GRIN3B: variants seen among roughly 807,000 people sequenced by gnomAD.
The protein encoded by GRIN3B is glutamate ionotropic receptor NMDA type subunit 3B, also known as glutamate receptor ionotropic, NMDA 3B.
Under a neutral mutation model 66.0 loss-of-function variants are expected in GRIN3B, and 77 were observed. That is an observed-to-expected ratio of 1.17 (90% CI 0.97 to 1.41). The LOEUF (loss-of-function observed/expected upper bound fraction) is 1.41, where lower values mean the gene tolerates loss of function less well. Ranked by LOEUF, GRIN3B falls within the 40% of genes most tolerant of loss-of-function variation. The pLI is 0.00. For missense variants in GRIN3B, 1,787 were observed against 1,564.5 expected, an observed-to-expected ratio of 1.14 and a Z score of -2.40; for synonymous variants, 823 against 749.7, an observed-to-expected ratio of 1.10 and a Z score of -1.60.
intron 3 of GRIN3B, among the ~76,000 whole-genome samples, chr19:1,006,955 C>CA (rs1269800674): frequency 6.6e-6 from 1 of 152,188 alleles, no homozygotes; most frequent in African/African-American, 2.4e-5. Flanking sequence ...CAGCCAGACC[C>CA]ACCTACTCAT....
Position 1,008,816 on chromosome 19 carries a change from C to T in GRIN3B, c.2631+34C>T, listed in dbSNP as rs771669602. ...CGGGTGGGCGGCGGGCGGCCCCACC[C>T]CCCCCGCCTCCTCGCCAACCGGGTC... On this transcript the variant is annotated intron_variant, in intron 7 of 8. Transcript: ENST00000234389. 9 of 1,590,554 alleles carry T rather than the reference C, an allele frequency of 5.7e-6. No homozygotes were observed. In the East Asian group the frequency reaches 1.2e-4, roughly 20 times the overall value.
rs754387721 is a variant in GRIN3B, at chr19:1,004,792, C to T, written c.1291C>T (p.Arg431Cys). 8 of 1,612,830 alleles carry T rather than the reference C, an allele frequency of 5.0e-6. No individual in the cohort carries two copies. The highest frequency in any genetic ancestry group is 1.6e-4 in the Middle Eastern group (1 of 6,062). Reference sequence around the variant, plus strand: ...GTTGGAACACCCATTTGTGTTTGCCCGTGATCCAGACGAAGACGGGCAGTG... The same window carrying T: ...GTTGGAACACCCATTTGTGTTTGCCTGTGATCCAGACGAAGACGGGCAGTG... ...TLLEHPFVFA[R>C]DPDEDGQCPA... Residue 431 changes from arginine to cysteine, a missense_variant, in exon 3 of 9, where the codon CGT becomes TGT. Coordinates refer to ENST00000234389, the MANE Select transcript of GRIN3B (RefSeq NM_138690.3).
chr19:1,001,805 G>C (rs1297046387), intron 1 of GRIN3B, among the ~76,000 whole-genome samples: 1 of 152,126 alleles, frequency 6.6e-6, no homozygotes, highest in Non-Finnish European at 1.5e-5. Flanking sequence ...TGGTGGGAGA[G>C]GCGGGGCCCA....
chr19:1,002,791 G>GCAAT (rs1445768991), intron 1 of GRIN3B: 1 of 248,022 alleles, frequency 4.0e-6, no homozygotes, highest in Non-Finnish European at 7.7e-6. Context: ...TAGAGGAGGA[G>GCAAT]CAATGTGCTT....
At chr19:1,004,464 GA>G (rs1343316902) in intron 2 of GRIN3B, 56 bp from the exon 3 acceptor site, 5 of 1,442,878 alleles carry the variant, frequency 3.5e-6, no homozygotes, top group Non-Finnish European at 4.8e-6. Context: ...GGGCAGGGGT[GA>G]GAGGATGGAG....
intron 8 of GRIN3B, 67 bp downstream of exon 8, chr19:1,008,994 C>CGAAGCCGGCCT: frequency 6.5e-7 from 1 of 1,535,214 alleles, no homozygotes; most frequent in Admixed American, 2.0e-5. Flanking sequence ...CAGCTCGCCC[C>CGAAGCCGGCCT]GAAGCCGGCC....
In GRIN3B at chr19:1,005,053, G is replaced by C; in HGVS notation, c.1552G>C (p.Gly518Arg). 1.2e-6 allele frequency: 2 copies of C among 1,611,516 alleles called. No individual in the cohort carries two copies. The highest frequency in any genetic ancestry group is 1.7e-6 in the Non-Finnish European group (2 of 1,179,114). The change falls in exon 3 of 9, where the codon GGG (glycine) becomes CGG (arginine). Residue 518 changes from glycine (G) to arginine (R), a missense_variant. Coordinates refer to ENST00000234389, the MANE Select transcript of GRIN3B (RefSeq NM_138690.3). The surrounding 1 kb of genome is among the most constrained non-coding windows in gnomAD (Gnocchi z 5.2). ...GGACGGCCGCTGGACCGGCCTGGTC[G>C]GGGACCTGCTGGCCGGCCGGGCCCA... is the stretch of plus-strand genomic sequence containing the variant. ...LRDGRWTGLV[G>R]DLLAGRAHMA...
In GRIN3B at chr19:1,007,676, A is replaced by T. The variant is rs2145540403; in HGVS notation, c.2101A>T (p.Ser701Cys). The T allele has an allele frequency of 6.5e-7, 1 of 1,534,952 alleles. No homozygotes were observed. Among genetic ancestry groups the T allele is most frequent in the South Asian group, 1.2e-5 (1 of 82,182 alleles). The stretch of plus-strand genomic sequence containing the variant: ...CCGCTTCGGCACCGTGTGGGAGAGC[A>T]GCGCCGAGGCGTACATCAAGAAGAG... ...GFRFGTVWES[S>C]AEAYIKKSFP... Residue 701 changes from serine (S) to cysteine (C), a missense_variant, in exon 4 of 9, where the codon AGC becomes TGC. Transcript: ENST00000234389. The surrounding 1 kb of genome is among the most constrained non-coding windows in gnomAD (Gnocchi z 4.4).
intron 3 of GRIN3B, among the ~76,000 whole-genome samples, chr19:1,006,434 A>T (rs1050325253): frequency 2.7e-5 from 4 of 150,610 alleles, no homozygotes; most frequent in Non-Finnish European, 5.9e-5. Context: ...GTGAGCCACC[A>T]CATCTGGCCC....
At chr19:1,000,952 G>A in intron 1 of GRIN3B, 89 bp downstream of exon 1, 11 of 1,262,564 alleles carry the variant, frequency 8.7e-6, no homozygotes, top group Non-Finnish European at 1.1e-5. Context: ...CAGGATGGGG[G>A]TGCCGGGACT....
chr19:1,009,014 AGGAGGTTCCC>A (rs1413497587), intron 8 of GRIN3B, 87 bp downstream of exon 8: 3 of 1,505,002 alleles, frequency 2.0e-6, no homozygotes, highest in Non-Finnish European at 2.7e-6. Flanking sequence ...CGCGGGGTGC[AGGAGGTTCCC>A]GGAGGTCCCC....
Position 1,006,870 on chromosome 19 carries a change from G to A in GRIN3B, c.2053-758G>A, listed in dbSNP as rs531773335. Among the ~76,000 whole-genome samples, 4 of 152,320 alleles carry A rather than the reference G, an allele frequency of 2.6e-5. No homozygotes were observed. In the South Asian group the frequency reaches 8.3e-4, roughly 32 times the overall value. ...TCCATCAGATGCTGCTGACCCACAG[G>A]CACGATGGGATTCAAGTTTGGGTTT... On this transcript the variant is annotated intron_variant, in intron 3 of 8. Transcript: ENST00000234389.
At chr19:1,004,429 GACC>G in intron 2 of GRIN3B, 89 bp from the exon 3 acceptor site, 1 of 1,120,154 alleles carries the variant, frequency 8.9e-7, no homozygotes, top group Non-Finnish European at 1.3e-6. Context: ...GGACAAGAGC[GACC>G]AGTGGGAATC....
At position 1,004,574 on chromosome 19, in the gene GRIN3B, G is replaced by A. The variant is rs75047944; in HGVS notation, c.1073G>A (p.Gly358Asp). Residue 358 changes from glycine (G) to aspartate (D), a missense_variant, in exon 3 of 9, where the codon GGC (glycine) becomes GAC (aspartate). By Grantham distance (94) the Gly-to-Asp change is moderately conservative. Coordinates refer to ENST00000234389, the MANE Select transcript of GRIN3B (RefSeq NM_138690.3). The stretch of plus-strand genomic sequence containing the variant: ...CGCACGGGCCCCGTGTGGGTGACAG[G>A]CAGCTCCCAGGTACACATGTCTCGG... ...QGRTGPVWVT[G>D]SSQVHMSRHF... The A allele has an allele frequency of 9.1e-5, 146 of 1,609,932 alleles. 1 individual carries two copies. In the East Asian group the frequency reaches 3.2e-3, roughly 36 times the overall value.
intron 6 of GRIN3B, 111 bp from the exon 7 acceptor site, chr19:1,008,507 T>G (rs2038787770): frequency 7.6e-7 from 1 of 1,309,310 alleles, no homozygotes; most frequent in African/African-American, 1.5e-5. Flanking sequence ...CCAACCTGGC[T>G]CCACTGCCCC....
At position 1,000,656 on chromosome 19, in the gene GRIN3B, G is replaced by A; in HGVS notation, c.219G>A (p.Glu73=). The A allele has an allele frequency of 7.6e-7, 1 of 1,315,028 alleles. No individual in the cohort carries two copies. Among genetic ancestry groups the A allele is most frequent in the Non-Finnish European group, 9.7e-7 (1 of 1,029,594 alleles). The allele number at this position is 1,315,028 out of a possible 1,614,324, so 81.5% of individuals were successfully genotyped here. ...APRLPHNLSL[E]LVVAAPPARD... ...GGCTGCCGCACAACCTGAGCTTGGA[G>A]CTGGTGGTCGCCGCGCCCCCCGCCC... Residue 73 remains glutamate (E), a synonymous_variant, in exon 1 of 9, where the codon GAG becomes GAA. Coordinates refer to ENST00000234389, the MANE Select transcript of GRIN3B (RefSeq NM_138690.3).
intron 3 of GRIN3B, among the ~76,000 whole-genome samples, chr19:1,006,537 G>T (rs1260898664): frequency 6.6e-6 from 1 of 152,044 alleles, no homozygotes; most frequent in Admixed American, 6.6e-5. Flanking sequence ...CACCTCCCAG[G>T]TTCAAGCAAT....
At position 1,004,560 on chromosome 19, in the gene GRIN3B, C is replaced by T. The variant is rs757185894; in HGVS notation, c.1059C>T (p.Pro353=). 17 of 1,609,080 alleles carry T rather than the reference C, an allele frequency of 1.1e-5. No individual in the cohort carries two copies. The East Asian group carries it at 1.6e-4, about 15-fold the overall frequency. ...ANTSFQGRTG[P]VWVTGSSQVH... Reference sequence around the variant, plus strand: ...CGTCCTTCCAGGGCCGCACGGGCCCCGTGTGGGTGACAGGCAGCTCCCAGG... The same window carrying T: ...CGTCCTTCCAGGGCCGCACGGGCCCTGTGTGGGTGACAGGCAGCTCCCAGG... Residue 353 remains proline, a synonymous_variant, in exon 3 of 9, where the codon CCC becomes CCT. Transcript: ENST00000234389.
In GRIN3B at chr19:1,000,844, G is replaced by C; in HGVS notation, c.407G>C (p.Arg136Pro). ...CTCAGCCTGCTGCGGCGGGAGGCGC[G>C]CGCGCCCCTCGGAGCCCCGGTACGC... ...PVLSLLRREA[R>P]APLGAPNPFH... is the part of the protein sequence containing the mutation. The change falls in exon 1 of 9, where the codon CGC becomes CCC. Residue 136 changes from arginine (R) to proline (P), a missense_variant. Physicochemically the swap from Arg to Pro is moderately radical, Grantham distance 103. Coordinates refer to ENST00000234389, the MANE Select transcript of GRIN3B (RefSeq NM_138690.3). The C allele has an allele frequency of 7.0e-7, 1 of 1,427,712 alleles. No individual in the cohort carries two copies. Among genetic ancestry groups the C allele is most frequent in the East Asian group, 3.0e-5 (1 of 32,816 alleles). The allele number at this position is 1,427,712 out of a possible 1,614,324, so 88.4% of individuals were successfully genotyped here. A position where few individuals can be genotyped will look rare whatever the true frequency, so the allele number is the denominator to read the frequency against.
Sources: allele counts gnomAD v4.1 joint callset (sites outside exome capture counted in the v4.1 genomes callset), GRCh38; gene constraint gnomAD v4.1.1; non-coding constraint Gnocchi (gnomAD v3.1); transcripts MANE v1.5; gene names NCBI Gene and HGNC (gene_info 2026-07-23, HGNC 2026-07-21).